PRDM5: variants seen among roughly 807,000 people sequenced by gnomAD.
The protein encoded by PRDM5 is PR/SET domain 5.
In PRDM5, 56 loss-of-function variants were observed where a neutral mutation model predicts 81.2. The observed-to-expected ratio is 0.69, with a 90% CI of 0.56 to 0.86. The LOEUF (loss-of-function observed/expected upper bound fraction) is 0.86, where lower values mean the gene tolerates loss of function less well. PRDM5 is among the 40% of genes least tolerant of loss of function. The pLI is 0.00. For missense variants in PRDM5, 697 were observed against 770.1 expected (o/e 0.91, Z 1.12); for synonymous variants, 267 against 256.4 (o/e 1.04, Z -0.39).
chr4:120,922,619 G>A lies in PRDM5; in HGVS notation c.-11C>T. The A allele has an allele frequency of 6.3e-7, 1 of 1,576,920 alleles. No individual in the cohort carries two copies. Among genetic ancestry groups the A allele is most frequent in the Admixed American group, 1.9e-5 (1 of 53,452 alleles). ...GTACATGCCCAGCATTTTCCCGGGC[G>A]CGGCGGCCGCCGCCTCTCTCAACAC... On this transcript the variant is annotated 5_prime_UTR_variant, in exon 1 of 16. Coordinates refer to ENST00000264808, the MANE Select transcript of PRDM5 (RefSeq NM_018699.4).
intron 3 of PRDM5, among the ~76,000 whole-genome samples, chr4:120,837,079 A>G (rs1182919889): frequency 6.6e-6 from 1 of 152,168 alleles, no homozygotes; most frequent in Admixed American, 6.5e-5. Context: ...TACCACCAAC[A>G]TGCTCAGGAA....
chr4:120,868,398 C>A (rs1761439541), intron 2 of PRDM5, among the ~76,000 whole-genome samples: 1 of 152,094 alleles, frequency 6.6e-6, no homozygotes, highest in Admixed American at 6.5e-5. Context: ...CAAAAAGCTA[C>A]AAACAACTTT....
chr4:120,688,293 T>C (rs75428900), downstream of PRDM5, among the ~76,000 whole-genome samples: 1,785 of 152,200 alleles, frequency 0.012, 33 homozygotes, highest in African/African-American at 0.04. Context: ...TGGATAAATG[T>C]CTACTCAAGT....
intron 3 of PRDM5, 78 bp from the exon 4 acceptor site, chr4:120,821,423 A>T: frequency 7.5e-7 from 1 of 1,325,696 alleles, no homozygotes; most frequent in Non-Finnish European, 1.1e-6. Context: ...AGATACATTA[A>T]TGGAGTACTA....
At chr4:120,780,100 T>C (rs1487038312) in intron 12 of PRDM5, among the ~76,000 whole-genome samples, 1 of 152,112 alleles carries the variant, frequency 6.6e-6, no homozygotes, top group Admixed American at 6.6e-5. Context: ...AGTTATTTCT[T>C]CACATTCATT....
chr4:120,893,168 G>A (rs189056577), intron 2 of PRDM5, among the ~76,000 whole-genome samples: 7 of 152,312 alleles, frequency 4.6e-5, no homozygotes. Flanking sequence ...GGAGTCCAGG[G>A]GGATTCTCCC....
At chr4:120,765,543 C>T (rs1472407712) in intron 13 of PRDM5, among the ~76,000 whole-genome samples, 2 of 152,154 alleles carry the variant, frequency 1.3e-5, no homozygotes, top group African/African-American at 4.8e-5. Flanking sequence ...CACAGAGTGC[C>T]ATCTCTGTTG....
At chr4:120,855,709 A>G (rs1209391323) in intron 2 of PRDM5, among the ~76,000 whole-genome samples, 1 of 152,254 alleles carries the variant, frequency 6.6e-6, no homozygotes, top group East Asian at 1.9e-4. Context: ...AAGCCAAATT[A>G]AGCACAGCAG....
chr4:120,697,989 T>G (rs559733174), intron 15 of PRDM5, among the ~76,000 whole-genome samples: 54 of 152,096 alleles, frequency 3.6e-4, no homozygotes, highest in Non-Finnish European at 7.4e-4. Flanking sequence ...GTCAATAGAT[T>G]AATATTAATA....
intron 4 of PRDM5, among the ~76,000 whole-genome samples, chr4:120,819,339 T>C (rs4833682): frequency 0.097 from 14,765 of 152,244 alleles, 953 homozygotes; most frequent in Non-Finnish European, 0.14. Context: ...AAACTCTTCA[T>C]TGTTAGACAT....
intron 14 of PRDM5, 120 bp from the exon 15 acceptor site, chr4:120,710,533 G>C (rs1578436188): frequency 2.4e-6 from 2 of 818,692 alleles, no homozygotes; most frequent in Middle Eastern, 2.2e-4. Flanking sequence ...CAGGTATGCT[G>C]ATATGGTTTG....
rs756604293 is a variant in PRDM5 at position 120,695,156 on chromosome 4, G to A, written c.1848C>T (p.Tyr616=). ...GGATATTGTCCATGTGCACTTTGAGGTAGTCATTCCTTGTAAACTTCTTAT... is the reference window on the plus strand; with the variant it reads ...GGATATTGTCCATGTGCACTTTGAGATAGTCATTCCTTGTAAACTTCTTAT... ...FCHKKFTRND[Y]LKVHMDNIHG... Residue 616 remains tyrosine (Y), a synonymous_variant, in exon 16 of 16, where the codon TAC becomes TAT. Coordinates refer to ENST00000264808, the MANE Select transcript of PRDM5 (RefSeq NM_018699.4). 4 of 1,613,440 alleles carry A rather than the reference G, an allele frequency of 2.5e-6. No individual in the cohort carries two copies. In the South Asian group the frequency reaches 4.4e-5, roughly 18 times the overall value.
chr4:120,731,202 G>T lies in PRDM5; in HGVS notation c.1624-20789C>A, dbSNP rs78055200. Among the ~76,000 whole-genome samples, 1,437 of 152,240 alleles carry T rather than the reference G, an allele frequency of 9.4e-3. 26 individuals are homozygous for T. Among genetic ancestry groups the T allele is most frequent in the African/African-American group, 0.032 (1,339 of 41,540 alleles). On this transcript the variant is annotated intron_variant, in intron 14 of 15. Coordinates refer to ENST00000264808, the MANE Select transcript of PRDM5 (RefSeq NM_018699.4). Reference sequence around the variant, plus strand: ...GAAGTTCCGCCCACCATGAGCAAGAGATTTTTACAGGTGTAATTTGAGGGA... The same window carrying T: ...GAAGTTCCGCCCACCATGAGCAAGATATTTTTACAGGTGTAATTTGAGGGA...
At chr4:120,828,745 A>C (rs1342464182) in intron 3 of PRDM5, among the ~76,000 whole-genome samples, 1 of 152,048 alleles carries the variant, frequency 6.6e-6, no homozygotes, top group Non-Finnish European at 1.5e-5. Flanking sequence ...GGAGAAGCTT[A>C]CATTCCATTA....
At chr4:120,777,658 T>C (rs1748386476) in intron 12 of PRDM5, among the ~76,000 whole-genome samples, 1 of 152,144 alleles carries the variant, frequency 6.6e-6, no homozygotes, top group Non-Finnish European at 1.5e-5. Context: ...TTTCACATTC[T>C]TTGTGTATAT....
At chr4:120,754,736 A>G in intron 13 of PRDM5, 98 bp from the exon 14 acceptor site, 1 of 839,976 alleles carries the variant, frequency 1.2e-6, no homozygotes. Flanking sequence ...GCCACCGCAT[A>G]TGCCCTGTGC....
intron 1 of PRDM5, among the ~76,000 whole-genome samples, chr4:120,921,259 C>T (rs558454064): frequency 4.4e-4 from 67 of 152,252 alleles, no homozygotes; most frequent in African/African-American, 1.4e-3. Flanking sequence ...TTGTATTTGG[C>T]CTTCAAAAAA....
At chr4:120,773,016 A>G (rs544115449) in intron 13 of PRDM5, among the ~76,000 whole-genome samples, 11 of 152,324 alleles carry the variant, frequency 7.2e-5, no homozygotes, top group African/African-American at 2.4e-4. Flanking sequence ...AGTAAAACAT[A>G]TTAATTTTAT....
chr4:120,918,305 T>C (rs529043874), intron 1 of PRDM5, among the ~76,000 whole-genome samples: 1 of 152,304 alleles, frequency 6.6e-6, no homozygotes, highest in African/African-American at 2.4e-5. Context: ...ATGATTACTT[T>C]TCCTCTGATT....
Sources: allele counts gnomAD v4.1 joint callset (sites outside exome capture counted in the v4.1 genomes callset), GRCh38; gene constraint gnomAD v4.1.1; transcripts MANE v1.5; gene names NCBI Gene and HGNC (gene_info 2026-07-23, HGNC 2026-07-21).